The following NDUFB6 variants were observed in gnomAD, a reference collection of about 807,000 sequenced individuals.
The protein encoded by NDUFB6 is NADH:ubiquinone oxidoreductase subunit B6.
A neutral mutation model predicts 17.5 loss-of-function variants in NDUFB6; 23 were observed. The observed-to-expected ratio is 1.31, with a 90% confidence interval of 0.94 to 1.86. NDUFB6 has a LOEUF of 1.86. Among genes scored for constraint, NDUFB6 ranks in the 40% most tolerant of loss-of-function variants. The probability of loss-of-function intolerance (pLI) is 0.00; values close to 1 mark genes in which losing one functional copy is unlikely to be tolerated. For synonymous variants in NDUFB6, 60 were observed against 53.5 expected (o/e 1.12, Z -0.53); for missense variants, 167 against 153.8 (o/e 1.09, Z -0.46).
At chr9:32,568,143 T>C (rs1292791964) in intron 2 of NDUFB6, 1 of 167,748 alleles carries the variant, frequency 6.0e-6, no homozygotes, top group Non-Finnish European at 1.5e-5. Flanking sequence ...CTATATGCCA[T>C]TAAGAAGATT....
chr9:32,567,866 A>G (rs1427803609), intron 2 of NDUFB6: 1 of 197,380 alleles, frequency 5.1e-6, no homozygotes, highest in Non-Finnish European at 1.2e-5. Context: ...GGCCAATTTA[A>G]TAACACTACA....
intron 2 of NDUFB6, among the ~76,000 whole-genome samples, chr9:32,559,640 C>A (rs1036012577): frequency 5.3e-5 from 8 of 152,100 alleles, no homozygotes; most frequent in African/African-American, 9.7e-5. Flanking sequence ...TACTGCTTGA[C>A]CTGTATCTTC....
intron 2 of NDUFB6, among the ~76,000 whole-genome samples, chr9:32,563,520 C>G (rs975621324): frequency 2.9e-4 from 22 of 77,184 alleles, no homozygotes; most frequent in Non-Finnish European, 4.7e-4. Flanking sequence ...GATGGGGTCT[C>G]ATTATGTTGC....
Position 32,557,650 on chromosome 9 carries a change from T to C in NDUFB6, c.318+1260A>G, listed in dbSNP as rs558773453. ...GCCCGCCACCACGCACGGTAATTTT[T>C]GTATTTTTAGTAGAGACGGGGTTTC... On this transcript the variant is annotated intron_variant, in intron 3 of 3. Coordinates refer to ENST00000379847, the MANE Select transcript of NDUFB6 (RefSeq NM_002493.5). Among the ~76,000 whole-genome samples, 27 of 152,042 alleles carry C rather than the reference T, an allele frequency of 1.8e-4. No individual in the cohort carries two copies. The South Asian group carries it at 4.6e-3, about 26-fold the overall frequency.
chr9:32,559,701 A>C (rs1288360898), intron 2 of NDUFB6, among the ~76,000 whole-genome samples: 1 of 152,142 alleles, frequency 6.6e-6, no homozygotes, highest in African/African-American at 2.4e-5. Context: ...AGGCCTAATT[A>C]AAATAGCAAG....
At chr9:32,568,748 A>ATATATATATATTTTTTT (rs1213123923) in intron 2 of NDUFB6, 1 of 114,400 alleles carries the variant, frequency 8.7e-6, no homozygotes, top group African/African-American at 3.9e-5. Flanking sequence ...ATATATATAT[A>ATATATATATATTTTTTT]TTTTTTTTTT....
rs111646430 is a variant in NDUFB6 at position 32,563,491 on chromosome 9, CTT to C, written c.274-4539_274-4538del. Among the ~76,000 whole-genome samples, 32 of 91,968 alleles carry C rather than the reference CTT, an allele frequency of 3.5e-4. 1 individual carries two copies. The highest frequency in any genetic ancestry group is 1.1e-3 in the Admixed American group (10 of 8,762). 60.3% of individuals were successfully genotyped at this position (91,968 alleles called of 152,430 possible). A position where few individuals can be genotyped will look rare whatever the true frequency, so the allele number is the denominator to read the frequency against. On this transcript the variant is annotated intron_variant, in intron 2 of 3. Transcript: ENST00000379847. ...CTCCTGAACAGGTGGGACTATTGGG[CTT>C]TTTTTTTTTTTGGAGGGATGGGGTC... is the stretch of plus-strand genomic sequence containing the variant.
intron 2 of NDUFB6, among the ~76,000 whole-genome samples, chr9:32,560,756 G>C (rs533234959): frequency 6.6e-6 from 1 of 152,238 alleles, no homozygotes; most frequent in South Asian, 2.1e-4. Context: ...TGTTTCAGAA[G>C]AGTTCAACTT....
chr9:32,554,690 T>C (rs895816341), intron 3 of NDUFB6, among the ~76,000 whole-genome samples: 1 of 152,184 alleles, frequency 6.6e-6, no homozygotes, highest in African/African-American at 2.4e-5. Flanking sequence ...TTTATGCCAT[T>C]ATACATTTGG....
chr9:32,571,054 TG>T lies in NDUFB6; in HGVS notation c.181-3del, dbSNP rs775513868. The stretch of plus-strand genomic sequence containing the variant: ...ACTCTTTTTGTATACCCCATGGACC[TG>T]GGGGGAAAAACACATACACAAAATA... On this transcript the variant is annotated splice_region_variant and splice_polypyrimidine_tract_variant and intron_variant, in intron 1 of 3. Coordinates refer to ENST00000379847, the MANE Select transcript of NDUFB6 (RefSeq NM_002493.5). 4.4e-6 allele frequency: 7 copies of T among 1,588,014 alleles called. No individual in the cohort carries two copies. Among genetic ancestry groups the T allele is most frequent in the Admixed American group, 1.8e-5 (1 of 56,736 alleles).
chr9:32,560,557 G>A (rs1298717999), intron 2 of NDUFB6, among the ~76,000 whole-genome samples: 1 of 152,044 alleles, frequency 6.6e-6, no homozygotes, highest in South Asian at 2.1e-4. Context: ...GGCTAACAGA[G>A]GTTTTAAAAA....
chr9:32,569,937 T>C (rs553461064), intron 2 of NDUFB6, among the ~76,000 whole-genome samples: 5 of 152,366 alleles, frequency 3.3e-5, no homozygotes, highest in Admixed American at 1.3e-4. Flanking sequence ...AAAAAATTTG[T>C]GTAACTCGTT....
chr9:32,553,312 C>G lies in NDUFB6; in HGVS notation c.*564G>C, dbSNP rs527590065. On this transcript the variant is annotated 3_prime_UTR_variant, in exon 4 of 4. Transcript: ENST00000379847. The stretch of plus-strand genomic sequence containing the variant: ...CACACCAATCTCGTGCCTCAGCCTC[C>G]GCAGTAGCTGGGACTACAGGAGCCC... 1 of 173,778 alleles carries G rather than the reference C, an allele frequency of 5.8e-6. No homozygotes were observed. The highest frequency in any genetic ancestry group is 1.2e-5 in the Non-Finnish European group (1 of 81,076). The allele number at this position is 173,778 out of a possible 1,614,324, so 10.8% of individuals were successfully genotyped here.
At chr9:32,564,973 G>A (rs778003373) in intron 2 of NDUFB6, among the ~76,000 whole-genome samples, 1 of 152,162 alleles carries the variant, frequency 6.6e-6, no homozygotes, top group Non-Finnish European at 1.5e-5. Context: ...TAGACATTGG[G>A]AGGTTTCCTA....
chr9:32,559,859 T>C (rs1165879734), intron 2 of NDUFB6, among the ~76,000 whole-genome samples: 1 of 152,228 alleles, frequency 6.6e-6, no homozygotes, highest in Non-Finnish European at 1.5e-5. Flanking sequence ...TCTGCTCTGT[T>C]CACTGCTGTA....
chr9:32,557,437 G>A (rs1468914126), intron 3 of NDUFB6, among the ~76,000 whole-genome samples: 1 of 151,432 alleles, frequency 6.6e-6, no homozygotes, highest in Admixed American at 6.6e-5. Flanking sequence ...CCATAGTGCT[G>A]TAATTACAGG....
At chr9:32,571,154 A>G (rs75143049) in intron 1 of NDUFB6, 102 bp from the exon 2 acceptor site, 12,931 of 767,958 alleles carry the variant, frequency 0.017, 242 homozygotes, top group East Asian at 0.072. Flanking sequence ...ACTATTTTAC[A>G]AAACTCTAAA....
intron 3 of NDUFB6, among the ~76,000 whole-genome samples, chr9:32,554,624 G>C (rs1304170810): frequency 6.6e-6 from 1 of 152,154 alleles, no homozygotes; most frequent in East Asian, 1.9e-4. Flanking sequence ...CCCAATCCCT[G>C]CCATTCCCTG....
At chr9:32,563,315 AT>A in intron 2 of NDUFB6, among the ~76,000 whole-genome samples, 1 of 152,030 alleles carries the variant, frequency 6.6e-6, no homozygotes, top group Non-Finnish European at 1.5e-5. Context: ...TAAAATTAGT[AT>A]TAGCATCCTC....
Sources: allele counts gnomAD v4.1 joint callset (sites outside exome capture counted in the v4.1 genomes callset), GRCh38; gene constraint gnomAD v4.1.1; transcripts MANE v1.5; gene names NCBI Gene and HGNC (gene_info 2026-07-23, HGNC 2026-07-21).